HDAC4: variants seen among roughly 807,000 people sequenced by gnomAD.
The protein encoded by HDAC4 is histone deacetylase A.
A neutral mutation model predicts 135.1 loss-of-function variants in HDAC4; 16 were observed. The ratio of observed to expected loss-of-function variants is 0.12; its 90% CI spans 0.08 to 0.18. HDAC4 has a LOEUF of 0.18. Among genes scored for constraint, HDAC4 ranks in the 10% least tolerant of loss-of-function variants. HDAC4 has a pLI of 1.00. For synonymous variants in HDAC4, 685 were observed against 653.4 expected (o/e 1.05, Z -0.74); for missense variants, 1,143 against 1,511.8 (o/e 0.76, Z 4.05).
At chr2:239,370,508 G>GC (rs1559389829) in intron 1 of HDAC4, among the ~76,000 whole-genome samples, 1 of 152,170 alleles carries the variant, frequency 6.6e-6, no homozygotes, top group Non-Finnish European at 1.5e-5. Flanking sequence ...TCCCTGCAGC[G>GC]CCCCCCTGAA....
chr2:239,330,660 A>G (rs568177253), intron 2 of HDAC4, among the ~76,000 whole-genome samples: 10 of 152,312 alleles, frequency 6.6e-5, no homozygotes, highest in African/African-American at 2.2e-4. Flanking sequence ...GACAAACAAA[A>G]TGGCTGCTTC....
intron 2 of HDAC4, among the ~76,000 whole-genome samples, chr2:239,290,740 G>A (rs1465781584): frequency 6.6e-6 from 1 of 151,960 alleles, no homozygotes; most frequent in Non-Finnish European, 1.5e-5. Context: ...ACGCACACAC[G>A]CGCACGCACT....
chr2:239,190,618 C>T (rs1019124338), intron 3 of HDAC4, among the ~76,000 whole-genome samples: 1 of 152,182 alleles, frequency 6.6e-6, no homozygotes, highest in Non-Finnish European at 1.5e-5. Flanking sequence ...GACCCGGAGC[C>T]CGTTTCCATG....
At chr2:239,156,904 C>T in intron 6 of HDAC4, 131 bp from the exon 7 acceptor site, 3 of 1,033,302 alleles carry the variant, frequency 2.9e-6, no homozygotes, top group Non-Finnish European at 4.4e-6. Context: ...ACACCTTTTC[C>T]CTAGGGTCAA....
At chr2:239,326,961 C>T (rs1002807914) in intron 2 of HDAC4, among the ~76,000 whole-genome samples, 6 of 152,200 alleles carry the variant, frequency 3.9e-5, no homozygotes, top group Non-Finnish European at 5.9e-5. Context: ...CCCAGGGGTA[C>T]GACCTTCCCA....
At chr2:239,328,988 C>G (rs1294918262) in intron 2 of HDAC4, among the ~76,000 whole-genome samples, 1 of 152,254 alleles carries the variant, frequency 6.6e-6, no homozygotes, top group Admixed American at 6.5e-5. Flanking sequence ...GCGAACCTGC[C>G]TGAAAGGCTG....
chr2:239,120,552 G>A (rs868184331), intron 12 of HDAC4, among the ~76,000 whole-genome samples: 1 of 145,720 alleles, frequency 6.9e-6, no homozygotes, highest in African/African-American at 2.5e-5. Flanking sequence ...GCAGAAGGGT[G>A]GGTACAATGC....
At chr2:239,208,407 T>A (rs537780708) in intron 3 of HDAC4, among the ~76,000 whole-genome samples, 1 of 151,534 alleles carries the variant, frequency 6.6e-6, no homozygotes, top group Non-Finnish European at 1.5e-5. Flanking sequence ...AACTCACCGT[T>A]AATTATGATC....
Position 239,116,033 on chromosome 2 carries a change from C to G in HDAC4, c.1534-723G>C, listed in dbSNP as rs115181554. Reference sequence around the variant, plus strand: ...TGTGGGACTCCCTAGATGCCCCCGACCTCTTTTCCTGTTGGATCTCACGGA... The same window carrying G: ...TGTGGGACTCCCTAGATGCCCCCGAGCTCTTTTCCTGTTGGATCTCACGGA... On this transcript the variant is annotated intron_variant, in intron 12 of 26. Transcript: ENST00000543185. 8.1e-3 allele frequency among the ~76,000 whole-genome samples: 1,229 copies of G among 152,286 alleles called. 14 individuals carry two copies. The highest frequency in any genetic ancestry group is 0.028 in the African/African-American group (1,176 of 41,566).
intron 3 of HDAC4, among the ~76,000 whole-genome samples, chr2:239,233,175 T>A (rs1025840620): frequency 6.6e-6 from 1 of 152,242 alleles, no homozygotes; most frequent in African/African-American, 2.4e-5. Flanking sequence ...TTAAAATTTT[T>A]AAAACATTTT....
Position 239,303,793 on chromosome 2 carries a change from TG to T in HDAC4, c.22+48884del, listed in dbSNP as rs2052413237. On this transcript the variant is annotated intron_variant, in intron 2 of 26. Transcript: ENST00000543185. This position sits in a 1 kb window ranked among gnomAD's most constrained non-coding sequence, Gnocchi z 5.1. ...GACAGCTGCATCCCCCGTGCTCAACTGCAGGGCGCGGCACTCGCCTATGCTC... is the reference window on the plus strand; with the variant it reads ...GACAGCTGCATCCCCCGTGCTCAACTCAGGGCGCGGCACTCGCCTATGCTC... Among the ~76,000 whole-genome samples, 1 of 152,150 alleles carries T rather than the reference TG, an allele frequency of 6.6e-6. No homozygotes were observed. The highest frequency in any genetic ancestry group is 6.5e-5 in the Admixed American group (1 of 15,270).
At chr2:239,194,455 TG>T (rs1460126097) in intron 3 of HDAC4, among the ~76,000 whole-genome samples, 1 of 152,184 alleles carries the variant, frequency 6.6e-6, no homozygotes, top group Non-Finnish European at 1.5e-5. Context: ...TTCTGAAGCT[TG>T]GGTGACGCTC....
chr2:239,387,115 C>G (rs576565254), intron 1 of HDAC4, among the ~76,000 whole-genome samples: 2 of 152,358 alleles, frequency 1.3e-5, no homozygotes, highest in East Asian at 3.9e-4. Context: ...GTGTGTGGCA[C>G]GTGCACACGC....
rs964312067 is a variant in HDAC4, at chr2:239,176,712, C to G, written c.340-149G>C. ...GCCCTGCCCTGCACTGCTGCTATTT[C>G]AGTCCAAAAAAAGAAGTCAGGGCCA... On this transcript the variant is annotated intron_variant, in intron 4 of 26. Coordinates refer to ENST00000543185, the MANE Select transcript of HDAC4 (RefSeq NM_001378414.1). 4.4e-6 allele frequency: 3 copies of G among 674,270 alleles called. No homozygotes were observed. In the South Asian group the frequency reaches 5.6e-5, roughly 13 times the overall value. 41.8% of individuals were successfully genotyped at this position (674,270 alleles called of 1,614,324 possible).
At chr2:239,089,936 G>A (rs1421380703) in intron 18 of HDAC4, 73 bp downstream of exon 18, 23 of 1,093,842 alleles carry the variant, frequency 2.1e-5, no homozygotes, top group Non-Finnish European at 3.1e-5. Context: ...AGACGGAGTG[G>A]GCGGCCCCTC....
intron 2 of HDAC4, among the ~76,000 whole-genome samples, chr2:239,274,058 C>T (rs1438524737): frequency 6.6e-6 from 1 of 152,202 alleles, no homozygotes; most frequent in Non-Finnish European, 1.5e-5. Context: ...GCAGGCCTGG[C>T]CCTGCTCAGC....
At chr2:239,114,985 G>A in intron 13 of HDAC4, 68 bp downstream of exon 13, 1 of 1,584,332 alleles carries the variant, frequency 6.3e-7, no homozygotes, top group Non-Finnish European at 8.6e-7. Context: ...CACCACAGAA[G>A]ATGCCACCTG....
chr2:239,311,152 A>G (rs1184991052), intron 2 of HDAC4, among the ~76,000 whole-genome samples: 1 of 151,860 alleles, frequency 6.6e-6, no homozygotes. Context: ...CCACTTTACA[A>G]CCCCGCAGAG....
chr2:239,235,424 G>T (rs901275708), intron 3 of HDAC4, among the ~76,000 whole-genome samples: 1 of 152,244 alleles, frequency 6.6e-6, no homozygotes, highest in African/African-American at 2.4e-5. Context: ...GGGCACCGGA[G>T]GGCACAGGCG....
Sources: gnomAD v4.1 joint callset for allele counts (sites outside exome capture counted in the v4.1 genomes callset) on GRCh38, gnomAD v4.1.1 for gene constraint, Gnocchi (gnomAD v3.1) non-coding constraint, MANE v1.5 for transcripts, NCBI Gene and HGNC (gene_info 2026-07-23, HGNC 2026-07-21) for gene names.